The following TACR3 variants were observed in gnomAD, a reference collection of about 807,000 sequenced individuals.
TACR3 encodes tachykinin receptor 3.
TACR3 carries 34 observed loss-of-function variants against 35.0 expected under a neutral mutation model. The observed-to-expected ratio is 0.97, with a 90% CI of 0.74 to 1.30. TACR3 has a LOEUF of 1.30. Ranked by LOEUF, TACR3 falls within the 50% of genes most tolerant of loss-of-function variation. The pLI, the probability that TACR3 is intolerant of heterozygous loss-of-function variation, is 0.00. For synonymous variants in TACR3, 233 were observed against 221.1 expected, an observed-to-expected ratio of 1.05 and a Z score of -0.48; for missense variants, 558 against 591.7, an observed-to-expected ratio of 0.94 and a Z score of 0.59.
chr4:103,691,351 G>C (rs1190880412), intron 1 of TACR3, among the ~76,000 whole-genome samples: 1 of 152,270 alleles, frequency 6.6e-6, no homozygotes, highest in South Asian at 2.1e-4. Flanking sequence ...CAGTCTTAAA[G>C]GTTACATGTT....
At position 103,589,589 on chromosome 4, in the gene TACR3, G is replaced by T; in HGVS notation, c.*93C>A. 6.9e-7 allele frequency: 1 copy of T among 1,450,606 alleles called. No individual in the cohort carries two copies. The highest frequency in any genetic ancestry group is 9.6e-7 in the Non-Finnish European group (1 of 1,041,336). 89.9% of individuals were successfully genotyped at this position (1,450,606 alleles called of 1,614,324 possible). ...CTAAAAATTGCTTTCTGTTTCTAGA[G>T]GGTATATAGGACAGGACTGGTAAAT... On this transcript the variant is annotated 3_prime_UTR_variant, in exon 5 of 5. Coordinates refer to ENST00000304883, the MANE Select transcript of TACR3 (RefSeq NM_001059.3).
chr4:103,632,630 A>C (rs1162952844), intron 3 of TACR3, among the ~76,000 whole-genome samples: 1 of 151,178 alleles, frequency 6.6e-6, no homozygotes, highest in East Asian at 1.9e-4. Flanking sequence ...ACAAACCTGC[A>C]CGTTCTGCAC....
intron 3 of TACR3, among the ~76,000 whole-genome samples, chr4:103,604,584 T>C (rs879741356): frequency 6.6e-6 from 1 of 152,100 alleles, no homozygotes; most frequent in Non-Finnish European, 1.5e-5. Context: ...CAAAAGAAAC[T>C]ACCATGAGTG....
chr4:103,710,958 T>G (rs1722939427), intron 1 of TACR3, among the ~76,000 whole-genome samples: 1 of 152,158 alleles, frequency 6.6e-6, no homozygotes, highest in Non-Finnish European at 1.5e-5. Context: ...GCTGAATCCC[T>G]GAATATACCA....
At chr4:103,698,564 A>C (rs1017360426) in intron 1 of TACR3, among the ~76,000 whole-genome samples, 1 of 117,010 alleles carries the variant, frequency 8.5e-6, no homozygotes. Flanking sequence ...TTTTGGTAAA[A>C]TAAAGAACAT....
At position 103,709,488 on chromosome 4, in the gene TACR3, A is replaced by C. The variant is rs180976105; in HGVS notation, c.548+9640T>G. 2.0e-3 allele frequency among the ~76,000 whole-genome samples: 310 copies of C among 152,330 alleles called. 1 individual carries two copies. The highest frequency in any genetic ancestry group is 7.0e-3 in the African/African-American group (291 of 41,570). On this transcript the variant is annotated intron_variant, in intron 1 of 4. Transcript: ENST00000304883. ...TTTTGTCACCACTAGGCCTGCCCTA[A>C]AAGAGCTCCTGAAGGAAGCACTAAA...
chr4:103,614,291 T>C (rs1724582164), intron 3 of TACR3, among the ~76,000 whole-genome samples: 1 of 152,206 alleles, frequency 6.6e-6, no homozygotes, highest in Admixed American at 6.5e-5. Context: ...GGAAAGCTAT[T>C]CAAGGAATAT....
chr4:103,645,198 G>A (rs997236823), intron 3 of TACR3, among the ~76,000 whole-genome samples: 4 of 151,850 alleles, frequency 2.6e-5, no homozygotes, highest in Non-Finnish European at 5.9e-5. Flanking sequence ...TGTACATATT[G>A]TACATATTGT....
chr4:103,644,458 T>A (rs1033211548), intron 3 of TACR3, among the ~76,000 whole-genome samples: 4 of 151,852 alleles, frequency 2.6e-5, no homozygotes, highest in Admixed American at 2.6e-4. Flanking sequence ...GTTAAAATAT[T>A]TATATAATTT....
chr4:103,599,849 C>T (rs878977210), intron 3 of TACR3, among the ~76,000 whole-genome samples: 6 of 152,158 alleles, frequency 3.9e-5, no homozygotes, highest in South Asian at 2.1e-4. Flanking sequence ...CTGCTGGATT[C>T]GGTTTGCCAG....
intron 3 of TACR3, among the ~76,000 whole-genome samples, chr4:103,621,649 G>C (rs764466820): frequency 9.9e-5 from 15 of 152,162 alleles, no homozygotes; most frequent in Non-Finnish European, 1.9e-4. Context: ...AAAGGGAAAA[G>C]TTATAGATTA....
intron 3 of TACR3, among the ~76,000 whole-genome samples, chr4:103,631,790 G>A (rs1310500166): frequency 6.6e-6 from 1 of 152,108 alleles, no homozygotes; most frequent in Non-Finnish European, 1.5e-5. Context: ...CCATCCATCT[G>A]GCATTATGCT....
chr4:103,653,713 A>C lies in TACR3; in HGVS notation c.888+2481T>G, dbSNP rs200338805. Reference sequence around the variant, plus strand: ...TTGACAAATGGGATCTAATTAAACTAAAGAGCTTCTGCACAGCAAAAGAAA... The same window carrying C: ...TTGACAAATGGGATCTAATTAAACTCAAGAGCTTCTGCACAGCAAAAGAAA... On this transcript the variant is annotated intron_variant, in intron 3 of 4. Coordinates refer to ENST00000304883, the MANE Select transcript of TACR3 (RefSeq NM_001059.3). Among the ~76,000 whole-genome samples the C allele has an allele frequency of 4.4e-4, 67 of 152,098 alleles. No individual in the cohort carries two copies. The East Asian group carries it at 0.011, about 26-fold the overall frequency.
At chr4:103,708,706 C>T (rs1722859730) in intron 1 of TACR3, among the ~76,000 whole-genome samples, 2 of 152,184 alleles carry the variant, frequency 1.3e-5, no homozygotes, top group African/African-American at 4.8e-5. Flanking sequence ...TCAAACTTCT[C>T]TGAGCTAAAG....
chr4:103,624,989 T>C (rs1255879663), intron 3 of TACR3, among the ~76,000 whole-genome samples: 7 of 151,252 alleles, frequency 4.6e-5, no homozygotes, highest in African/African-American at 1.7e-4. Flanking sequence ...CAGGGAAAGG[T>C]AGAGAGGGAG....
rs565817490 is a variant in TACR3, at chr4:103,593,631, C to T, written c.889-1948G>A. ...ATTCCTTGAACAGGGTAGTTAAGCT[C>T]CAGCCATAGATTATTTTCCCTGGCT... On this transcript the variant is annotated intron_variant, in intron 3 of 4. Transcript: ENST00000304883. Among the ~76,000 whole-genome samples, 15 of 152,170 alleles carry T rather than the reference C, an allele frequency of 9.9e-5. No individual in the cohort carries two copies. The East Asian group carries it at 2.9e-3, about 29-fold the overall frequency.
chr4:103,619,941 AAAACTATCAACAGAGCAAACAG>A (rs2110303167), intron 3 of TACR3, among the ~76,000 whole-genome samples: 1 of 152,320 alleles, frequency 6.6e-6, no homozygotes, highest in East Asian at 1.9e-4. Flanking sequence ...ACAGCAAACA[AAAACTATCAACAGAGCAAACAG>A]ACAACCTACA....
intron 3 of TACR3, among the ~76,000 whole-genome samples, chr4:103,608,726 A>G (rs1354673589): frequency 1.3e-5 from 2 of 152,116 alleles, no homozygotes; most frequent in Middle Eastern, 3.2e-3. Context: ...GCTTTCTAAC[A>G]GAGTATGAGC....
intron 3 of TACR3, among the ~76,000 whole-genome samples, chr4:103,616,804 G>A (rs1490286631): frequency 2.6e-5 from 4 of 151,892 alleles, no homozygotes; most frequent in Non-Finnish European, 4.4e-5. Context: ...AAAAATTAGC[G>A]GGGCATGGTG....
Sources: allele counts gnomAD v4.1 joint callset (sites outside exome capture counted in the v4.1 genomes callset), GRCh38; gene constraint gnomAD v4.1.1; transcripts MANE v1.5; gene names NCBI Gene and HGNC (gene_info 2026-07-23, HGNC 2026-07-21).